Variants in NUBPL observed in about 807,000 individuals in gnomAD.
NUBPL encodes the protein NUBP iron-sulfur cluster assembly factor, mitochondrial.
NUBPL carries 31 observed loss-of-function variants against 45.7 expected under a neutral mutation model. That is an observed-to-expected ratio of 0.68 (90% CI 0.51 to 0.92). The LOEUF (loss-of-function observed/expected upper bound fraction) is 0.92, where lower values mean the gene tolerates loss of function less well. Among genes scored for constraint, NUBPL ranks in the 40% least tolerant of loss-of-function variants. NUBPL has a pLI of 0.00. For synonymous variants in NUBPL, 144 were observed against 140.9 expected (o/e 1.02, Z -0.15); for missense variants, 401 against 398.7 (o/e 1.01, Z -0.05).
At chr14:31,668,782 G>C (rs957814464) in intron 4 of NUBPL, among the ~76,000 whole-genome samples, 5 of 152,170 alleles carry the variant, frequency 3.3e-5, no homozygotes, top group African/African-American at 1.2e-4. Flanking sequence ...GGCTTCCCTT[G>C]GCTAAGGGAG....
chr14:31,769,662 T>TAAAAA (rs397972624), intron 6 of NUBPL, among the ~76,000 whole-genome samples: 2 of 149,158 alleles, frequency 1.3e-5, no homozygotes, highest in African/African-American at 4.9e-5. Flanking sequence ...TCCTTTTTTT[T>TAAAAA]AAAAAAAAAA....
intron 4 of NUBPL, chr14:31,653,923 C>T (rs1490591965): frequency 4.4e-6 from 1 of 229,570 alleles, no homozygotes; most frequent in African/African-American, 2.2e-5. Flanking sequence ...GCTGGTTCCT[C>T]TGTTCAGGGT....
chr14:31,850,355 C>T (rs1466556738), intron 10 of NUBPL, among the ~76,000 whole-genome samples, 154 bp downstream of exon 10: 1 of 152,156 alleles, frequency 6.6e-6, no homozygotes, highest in Admixed American at 6.5e-5. Context: ...AAGTTACTGT[C>T]ATGTACAGTA....
chr14:31,800,282 AT>A (rs2039561960), intron 7 of NUBPL, among the ~76,000 whole-genome samples: 2 of 152,270 alleles, frequency 1.3e-5, no homozygotes, highest in South Asian at 4.1e-4. Context: ...TCATCTTGAT[AT>A]TTTGACCCCT....
At chr14:31,608,506 A>T (rs943510047) in intron 4 of NUBPL, among the ~76,000 whole-genome samples, 4 of 152,148 alleles carry the variant, frequency 2.6e-5, no homozygotes, top group Admixed American at 2.0e-4. Flanking sequence ...GTGAGCCGAG[A>T]TCATGCCACT....
chr14:31,757,695 G>T lies in NUBPL; in HGVS notation c.514-30085G>T, dbSNP rs186889004. On this transcript the variant is annotated intron_variant, in intron 6 of 10. Coordinates refer to ENST00000281081, the MANE Select transcript of NUBPL (RefSeq NM_025152.3). The stretch of plus-strand genomic sequence containing the variant: ...AACTAAGTGATAAATAGTACATGAG[G>T]GTTCATGTACTGTTTATTCTTTTTG... Among the ~76,000 whole-genome samples the T allele has an allele frequency of 3.6e-3, 543 of 152,022 alleles. 1 individual carries two copies. Among genetic ancestry groups the T allele is most frequent in the Non-Finnish European group, 4.8e-3 (325 of 67,934 alleles).
At chr14:31,640,114 A>G (rs955644961) in intron 4 of NUBPL, among the ~76,000 whole-genome samples, 11 of 151,768 alleles carry the variant, frequency 7.2e-5, no homozygotes, top group Non-Finnish European at 1.6e-4. Flanking sequence ...ACTGTCAGGC[A>G]CTCCCTAGTG....
At chr14:31,778,213 TCAAGTATTATTTTC>T (rs2039130337) in intron 6 of NUBPL, among the ~76,000 whole-genome samples, 1 of 152,214 alleles carries the variant, frequency 6.6e-6, no homozygotes, top group African/African-American at 2.4e-5. Context: ...TGAGGACAAC[TCAAGTATTATTTTC>T]CCCTTTTTTG....
intron 4 of NUBPL, among the ~76,000 whole-genome samples, chr14:31,625,310 TGAA>T (rs2035175896): frequency 6.6e-6 from 1 of 152,174 alleles, no homozygotes; most frequent in Non-Finnish European, 1.5e-5. Context: ...ACTGTTATGT[TGAA>T]GACATCTGAG....
chr14:31,801,932 A>C lies in NUBPL; in HGVS notation c.607+14059A>C, dbSNP rs545756542. Among the ~76,000 whole-genome samples, 31 of 152,306 alleles carry C rather than the reference A, an allele frequency of 2.0e-4. No individual in the cohort carries two copies. In the South Asian group the frequency reaches 5.4e-3, roughly 26 times the overall value. The stretch of plus-strand genomic sequence containing the variant: ...GTGTATGACAGTAGTCAGCTAGTTA[A>C]TATGTTGAATATTCATGGGCTCAAG... On this transcript the variant is annotated intron_variant, in intron 7 of 10. Coordinates refer to ENST00000281081, the MANE Select transcript of NUBPL (RefSeq NM_025152.3).
intron 7 of NUBPL, among the ~76,000 whole-genome samples, chr14:31,825,402 G>A (rs1328096338): frequency 1.3e-5 from 2 of 151,994 alleles, no homozygotes; most frequent in Non-Finnish European, 2.9e-5. Context: ...TTAGCATATT[G>A]TATTGTAATC....
intron 7 of NUBPL, among the ~76,000 whole-genome samples, chr14:31,806,773 C>T (rs2039695393): frequency 1.4e-5 from 2 of 142,288 alleles, no homozygotes. Context: ...CCTCTCCCAT[C>T]CCCCCACACC....
At chr14:31,803,079 T>C (rs528331021) in intron 7 of NUBPL, among the ~76,000 whole-genome samples, 1 of 152,308 alleles carries the variant, frequency 6.6e-6, no homozygotes, top group Non-Finnish European at 1.5e-5. Flanking sequence ...ATGGTAACCC[T>C]CTTTGACTGT....
intron 6 of NUBPL, among the ~76,000 whole-genome samples, chr14:31,742,277 C>CACACACACACACACACACAT (rs998724714): frequency 6.7e-6 from 1 of 149,264 alleles, no homozygotes; most frequent in African/African-American, 2.5e-5. Flanking sequence ...CACACACACA[C>CACACACACACACACACACAT]ACATCTTCCT....
In NUBPL at chr14:31,638,946, A is replaced by T. The variant is rs548245315; in HGVS notation, c.383-34409A>T. Among the ~76,000 whole-genome samples the T allele has an allele frequency of 3.7e-4, 56 of 152,142 alleles. No individual in the cohort carries two copies. In the East Asian group the frequency reaches 6.0e-3, roughly 16 times the overall value. On this transcript the variant is annotated intron_variant, in intron 4 of 10. Transcript: ENST00000281081. ...GGCTTTCAGCTCCATCAGCTCCTTT[A>T]AGCACTTCTCTCTATTGGTTATTCT... is the stretch of plus-strand genomic sequence containing the variant.
chr14:31,620,824 G>A (rs752838089), intron 4 of NUBPL, among the ~76,000 whole-genome samples: 10 of 152,338 alleles, frequency 6.6e-5, no homozygotes, highest in Non-Finnish European at 1.0e-4. Context: ...TGGGAGATCT[G>A]CTGCTCTCTT....
intron 6 of NUBPL, among the ~76,000 whole-genome samples, chr14:31,782,718 C>T (rs201787144): frequency 7.6e-4 from 114 of 149,188 alleles, no homozygotes; most frequent in South Asian, 5.8e-3. Flanking sequence ...ACCTGGGAGA[C>T]GAGGTTGCAG....
At chr14:31,610,666 C>T (rs1165499334) in intron 4 of NUBPL, among the ~76,000 whole-genome samples, 1 of 141,940 alleles carries the variant, frequency 7.0e-6, no homozygotes, top group South Asian at 2.3e-4. Flanking sequence ...CTGATGAATA[C>T]TGATGCATAA....
At chr14:31,595,126 T>C (rs1436609071) in intron 3 of NUBPL, among the ~76,000 whole-genome samples, 1 of 152,208 alleles carries the variant, frequency 6.6e-6, no homozygotes, top group African/African-American at 2.4e-5. Context: ...AAATAAGACG[T>C]GTAGGCTCTC....
Sources: allele counts gnomAD v4.1 joint callset (sites outside exome capture counted in the v4.1 genomes callset), GRCh38; gene constraint gnomAD v4.1.1; transcripts MANE v1.5; gene names NCBI Gene and HGNC (gene_info 2026-07-23, HGNC 2026-07-21).